Variants in ZP3 observed in about 807,000 individuals in gnomAD.
The protein encoded by ZP3 is zona pellucida glycoprotein 3.
In ZP3, 21 loss-of-function variants were observed where a neutral mutation model predicts 35.6. The ratio of observed to expected loss-of-function variants is 0.59; its 90% CI spans 0.42 to 0.85. The LOEUF is 0.85. ZP3 is among the 40% of genes least tolerant of loss of function. ZP3 has a pLI of 0.00. For missense variants in ZP3, 437 were observed against 536.5 expected (o/e 0.81, Z 1.83); for synonymous variants, 207 against 214.5 (o/e 0.96, Z 0.31).
At chr7:76,410,644 A>G (rs995107532) in intron 1 of ZP3, among the ~76,000 whole-genome samples, 4 of 152,084 alleles carry the variant, frequency 2.6e-5, no homozygotes, top group Non-Finnish European at 5.9e-5. Flanking sequence ...TGGGCCCGGC[A>G]GGACTTAATT....
intron 1 of ZP3, among the ~76,000 whole-genome samples, chr7:76,413,201 C>T (rs10278706): frequency 0.076 from 11,470 of 151,150 alleles, 1,011 homozygotes; most frequent in African/African-American, 0.21. Context: ...GACCTCATGG[C>T]CTCCCCAACT....
At chr7:76,406,337 A>G (rs1332684768) in intron 1 of ZP3, among the ~76,000 whole-genome samples, 4 of 152,210 alleles carry the variant, frequency 2.6e-5, no homozygotes, top group Admixed American at 2.6e-4. Flanking sequence ...TTGGGAGGAT[A>G]TAGATACTCA....
chr7:76,436,030 C>CTTTTTTTTTTTTTTTTTT (rs60553917), intron 5 of ZP3, among the ~76,000 whole-genome samples: 2 of 74,358 alleles, frequency 2.7e-5, no homozygotes, highest in Non-Finnish European at 2.6e-5. Flanking sequence ...CCCCCGCCCC[C>CTTTTTTTTTTTTTTTTTT]TTTTTTTTTT....
intron 5 of ZP3, among the ~76,000 whole-genome samples, chr7:76,434,562 T>C (rs1805934918): frequency 7.8e-6 from 1 of 127,698 alleles, no homozygotes; most frequent in Non-Finnish European, 1.7e-5. Flanking sequence ...AGCTTGAACC[T>C]GGGAGGCAGA....
At chr7:76,403,748 A>G (rs890276290) in intron 1 of ZP3, among the ~76,000 whole-genome samples, 11 of 150,954 alleles carry the variant, frequency 7.3e-5, no homozygotes, top group Non-Finnish European at 1.3e-4. Context: ...TGCAACCTCC[A>G]CTTCCCAGGT....
At chr7:76,409,117 C>G (rs1159082350) in intron 1 of ZP3, among the ~76,000 whole-genome samples, 1 of 152,126 alleles carries the variant, frequency 6.6e-6, no homozygotes, top group Non-Finnish European at 1.5e-5. Context: ...ACTGCAGACC[C>G]TTGAGGGTGG....
intron 2 of ZP3, among the ~76,000 whole-genome samples, chr7:76,431,713 CGTG>C (rs1188902880): frequency 6.6e-6 from 1 of 152,128 alleles, no homozygotes; most frequent in Admixed American, 6.6e-5. Flanking sequence ...TCCTGGCTAA[CGTG>C]GTGAAACCCC....
intron 1 of ZP3, among the ~76,000 whole-genome samples, chr7:76,407,349 T>G (rs1479628783): frequency 2.0e-5 from 3 of 148,058 alleles, no homozygotes; most frequent in African/African-American, 7.5e-5. Flanking sequence ...TTTTTTTTTT[T>G]GAGACAGAGT....
chr7:76,441,352 C>T (rs1253410827), intron 7 of ZP3, among the ~76,000 whole-genome samples: 1 of 150,362 alleles, frequency 6.7e-6, no homozygotes, highest in Non-Finnish European at 1.5e-5. Flanking sequence ...GGGTGACCTG[C>T]TTTCTCCGTA....
chr7:76,425,816 C>A (rs1340127179), intron 1 of ZP3, among the ~76,000 whole-genome samples: 1 of 151,892 alleles, frequency 6.6e-6, no homozygotes, highest in Non-Finnish European at 1.5e-5. Flanking sequence ...TTTAAAAAAA[C>A]TAACTGGGGC....
intron 2 of ZP3, among the ~76,000 whole-genome samples, chr7:76,429,953 G>A (rs940073292): frequency 9.2e-5 from 14 of 152,144 alleles, no homozygotes; most frequent in African/African-American, 3.4e-4. Flanking sequence ...GCCAGGTGCA[G>A]TGGCTCATCC....
chr7:76,423,761 G>A (rs1483480843), upstream of ZP3, among the ~76,000 whole-genome samples: 3 of 151,950 alleles, frequency 2.0e-5, no homozygotes, highest in African/African-American at 7.3e-5. Flanking sequence ...ACTCGGGAGA[G>A]TAAGGCAGAA....
At chr7:76,415,291 G>A (rs1238489545) in intron 1 of ZP3, among the ~76,000 whole-genome samples, 1 of 144,990 alleles carries the variant, frequency 6.9e-6, no homozygotes, top group Non-Finnish European at 1.5e-5. Flanking sequence ...CTTGGAACCC[G>A]GGGAGCGGAG....
At chr7:76,397,663 G>T (rs774020638) in exon 1 of ZP3, 2 of 1,613,756 alleles carry the variant, frequency 1.2e-6, no homozygotes, top group South Asian at 2.2e-5. Flanking sequence ...CGAAGAAGGC[G>T]TTGGTGGTGG....
At chr7:76,408,393 G>C (rs929720605) in intron 1 of ZP3, among the ~76,000 whole-genome samples, 2 of 152,118 alleles carry the variant, frequency 1.3e-5, no homozygotes, top group Non-Finnish European at 2.9e-5. Flanking sequence ...CATGAGGAGG[G>C]GGAAAGACAC....
chr7:76,427,569 T>G (rs993538613), intron 1 of ZP3, among the ~76,000 whole-genome samples: 1 of 151,120 alleles, frequency 6.6e-6, no homozygotes, highest in Non-Finnish European at 1.5e-5. Context: ...GTATACAACC[T>G]GTGCAGTTCT....
upstream of ZP3, among the ~76,000 whole-genome samples, chr7:76,424,283 T>A (rs1302194847): frequency 6.6e-6 from 1 of 152,114 alleles, no homozygotes; most frequent in Non-Finnish European, 1.5e-5. Context: ...GGCAGCACAC[T>A]CTTTGCAAAC....
At chr7:76,407,910 G>C (rs2115822341) in intron 1 of ZP3, among the ~76,000 whole-genome samples, 1 of 152,202 alleles carries the variant, frequency 6.6e-6, no homozygotes, top group South Asian at 2.1e-4. Flanking sequence ...ATGGGAAGCT[G>C]GTTTAGAGGC....
intron 1 of ZP3, among the ~76,000 whole-genome samples, chr7:76,407,512 T>C (rs1805079637): frequency 6.6e-6 from 1 of 151,954 alleles, no homozygotes; most frequent in African/African-American, 2.4e-5. Flanking sequence ...AGGGAGTATC[T>C]CTTGAGCCCA....
Sources: gnomAD v4.1 joint callset for allele counts (sites outside exome capture counted in the v4.1 genomes callset) on GRCh38, gnomAD v4.1.1 for gene constraint, MANE v1.5 for transcripts, NCBI Gene and HGNC (gene_info 2026-07-23, HGNC 2026-07-21) for gene names.